Variants in PRKD3 observed in about 807,000 individuals in gnomAD.
PRKD3 encodes protein kinase D3, also known as serine/threonine-protein kinase D3.
In PRKD3, 47 loss-of-function variants were observed where a neutral mutation model predicts 99.2. That is an observed-to-expected ratio of 0.47 (90% CI 0.38 to 0.60). PRKD3 has a LOEUF of 0.60. PRKD3 is among the 20% of genes least tolerant of loss of function. The pLI, the probability that PRKD3 is intolerant of heterozygous loss-of-function variation, is 0.00. For missense variants in PRKD3, 1,019 were observed against 1,088.4 expected (o/e 0.94, Z 0.90); for synonymous variants, 392 against 355.4 (o/e 1.10, Z -1.16).
At chr2:37,304,809 C>A (rs894067209) in intron 2 of PRKD3, among the ~76,000 whole-genome samples, 1 of 151,366 alleles carries the variant, frequency 6.6e-6, no homozygotes, top group African/African-American at 2.4e-5. Context: ...TTAACACCTG[C>A]CTTTCTGATA....
intron 2 of PRKD3, among the ~76,000 whole-genome samples, chr2:37,298,198 G>A (rs983226649): frequency 2.6e-5 from 4 of 151,958 alleles, no homozygotes; most frequent in African/African-American, 4.8e-5. Flanking sequence ...AAGAGTAGAC[G>A]GCACACCCAT....
At chr2:37,261,683 G>A (rs996891152) in intron 14 of PRKD3, among the ~76,000 whole-genome samples, 34 of 152,316 alleles carry the variant, frequency 2.2e-4, no homozygotes, top group Middle Eastern at 3.4e-3. Flanking sequence ...GGGAGGCTGA[G>A]GCAGGAGAAT....
At chr2:37,281,092 A>G (rs1319048070) in intron 7 of PRKD3, among the ~76,000 whole-genome samples, 1 of 152,220 alleles carries the variant, frequency 6.6e-6, no homozygotes, top group African/African-American at 2.4e-5. Flanking sequence ...TTGTAATCAA[A>G]AAGATATACA....
At chr2:37,318,460 G>A (rs926062641) in intron 1 of PRKD3, among the ~76,000 whole-genome samples, 3 of 152,164 alleles carry the variant, frequency 2.0e-5, no homozygotes, top group Non-Finnish European at 2.9e-5. Flanking sequence ...TAGGTGGAGC[G>A]GGAATTAGAA....
chr2:37,262,841 C>T (rs1226446948), intron 14 of PRKD3, among the ~76,000 whole-genome samples: 11 of 152,108 alleles, frequency 7.2e-5, no homozygotes, highest in African/African-American at 2.7e-4. Context: ...TACCCATTTT[C>T]TCCAAGTTTC....
At position 37,294,014 on chromosome 2, in the gene PRKD3, G is replaced by A. The variant is rs547379144; in HGVS notation, c.289-743C>T. Among the ~76,000 whole-genome samples the A allele has an allele frequency of 5.9e-5, 9 of 152,256 alleles. No individual in the cohort carries two copies. In the East Asian group the frequency reaches 1.7e-3, roughly 29 times the overall value. Reference sequence around the variant, plus strand: ...CTTGGATCTTATGGGATGTGTTTTAGGTGCAAACACTAACCTAGTTTCATC... The same window carrying A: ...CTTGGATCTTATGGGATGTGTTTTAAGTGCAAACACTAACCTAGTTTCATC... On this transcript the variant is annotated intron_variant, in intron 2 of 18. Transcript: ENST00000234179.
chr2:37,323,049 G>A (rs1671951519), intron 1 of PRKD3, among the ~76,000 whole-genome samples: 1 of 151,212 alleles, frequency 6.6e-6, no homozygotes, highest in African/African-American at 2.4e-5. Context: ...TTCTGTATGT[G>A]GTGTTTTCAA....
chr2:37,299,111 G>A (rs1253653890), intron 2 of PRKD3, among the ~76,000 whole-genome samples: 1 of 152,012 alleles, frequency 6.6e-6, no homozygotes, highest in East Asian at 1.9e-4. Context: ...TACCTAGTTT[G>A]TTGACAGTTT....
intron 14 of PRKD3, among the ~76,000 whole-genome samples, chr2:37,263,034 GTATT>G (rs1668587110): frequency 6.6e-6 from 1 of 151,318 alleles, no homozygotes; most frequent in South Asian, 2.1e-4. Context: ...TTTCTTTTCT[GTATT>G]TATTAATTTT....
intron 6 of PRKD3, 51 bp downstream of exon 6, chr2:37,286,126 T>C (rs1670082713): frequency 1.4e-6 from 2 of 1,416,956 alleles, no homozygotes; most frequent in African/African-American, 1.4e-5. Context: ...AGCCTATATA[T>C]AATAACAAAA....
At chr2:37,295,672 C>T (rs1338801240) in intron 2 of PRKD3, among the ~76,000 whole-genome samples, 2 of 152,222 alleles carry the variant, frequency 1.3e-5, no homozygotes, top group East Asian at 3.9e-4. Context: ...TATAGGCTGG[C>T]TTTATAGAGT....
chr2:37,320,495 G>T (rs574543624), intron 1 of PRKD3, among the ~76,000 whole-genome samples: 4 of 139,998 alleles, frequency 2.9e-5, no homozygotes, highest in African/African-American at 1.1e-4. Flanking sequence ...ACAGTGGCGC[G>T]ATCTTGACTG....
chr2:37,313,515 C>G (rs949208799), intron 2 of PRKD3, among the ~76,000 whole-genome samples: 9 of 151,932 alleles, frequency 5.9e-5, no homozygotes. Context: ...TAGAAATGGC[C>G]TAAACACTTA....
chr2:37,258,778 A>G (rs1185019929), intron 16 of PRKD3, among the ~76,000 whole-genome samples: 1 of 152,222 alleles, frequency 6.6e-6, no homozygotes, highest in Non-Finnish European at 1.5e-5. Context: ...TTTTATTTGA[A>G]AAGACAATTT....
intron 2 of PRKD3, among the ~76,000 whole-genome samples, chr2:37,301,016 ATTTCTTTT>A (rs1670900447): frequency 1.4e-5 from 1 of 73,566 alleles, no homozygotes; most frequent in South Asian, 4.2e-4. Flanking sequence ...TTTAATTTGC[ATTTCTTTT>A]TTTATTACAA....
At chr2:37,301,123 T>C (rs1044679559) in intron 2 of PRKD3, among the ~76,000 whole-genome samples, 2 of 152,242 alleles carry the variant, frequency 1.3e-5, no homozygotes, top group African/African-American at 4.8e-5. Context: ...TTTTAATGGA[T>C]TGATCATCTT....
rs1290524511 is a variant in PRKD3 at position 37,255,437 on chromosome 2, A to T, written c.2414-1148T>A. 2.2e-4 allele frequency among the ~76,000 whole-genome samples: 34 copies of T among 152,168 alleles called. 1 individual carries two copies. ...TTTAAGTAGTGTACTTGTCCTTCCT[A>T]TCAGTATCAGCAGACTAAAGAGGGC... On this transcript the variant is annotated intron_variant, in intron 17 of 18. Coordinates refer to ENST00000234179, the MANE Select transcript of PRKD3 (RefSeq NM_005813.6).
chr2:37,306,629 T>G (rs1355508645), intron 2 of PRKD3, among the ~76,000 whole-genome samples: 2 of 151,912 alleles, frequency 1.3e-5, no homozygotes, highest in African/African-American at 4.8e-5. Context: ...GGCAACATGG[T>G]GAAACCCCAT....
chr2:37,266,734 C>T (rs527823651), intron 14 of PRKD3, among the ~76,000 whole-genome samples: 6 of 152,248 alleles, frequency 3.9e-5, no homozygotes, highest in East Asian at 1.9e-4. Flanking sequence ...GTGATCCACC[C>T]GCCTTGGCCT....
Sources: allele counts gnomAD v4.1 joint callset (sites outside exome capture counted in the v4.1 genomes callset), GRCh38; gene constraint gnomAD v4.1.1; transcripts MANE v1.5; gene names NCBI Gene and HGNC (gene_info 2026-07-23, HGNC 2026-07-21).